The following PNKP variants were observed in gnomAD, a reference collection of about 807,000 sequenced individuals.
PNKP encodes bifunctional polynucleotide phosphatase/kinase.
A neutral mutation model predicts 66.2 loss-of-function variants in PNKP; 82 were observed. That is an observed-to-expected ratio of 1.24 (90% CI 1.04 to 1.49). PNKP has a LOEUF of 1.49. Ranked by LOEUF, PNKP falls within the 40% of genes most tolerant of loss-of-function variation. PNKP has a pLI of 0.00. For synonymous variants in PNKP, 412 were observed against 298.9 expected (o/e 1.38, Z -3.90); for missense variants, 907 against 706.8 (o/e 1.28, Z -3.21).
At position 49,862,038 on chromosome 19, in the gene PNKP, T is replaced by G; in HGVS notation, c.1188+6A>C. ...TAGATTTGGGGCGGCAAAAGCCTGG[T>G]CATACCCTGTTCACGTGGACATATC... On this transcript the variant is annotated splice_donor_region_variant and intron_variant, in intron 13 of 16. Transcript: ENST00000322344. The G allele has an allele frequency of 6.2e-7, 1 of 1,613,996 alleles. No individual in the cohort carries two copies.
At chr19:49,863,193 G>C (rs3739193) in intron 8 of PNKP, among the ~76,000 whole-genome samples, 2,615 of 152,288 alleles carry the variant, frequency 0.017, 73 homozygotes, top group South Asian at 0.13. Context: ...TCCCACAAGG[G>C]GGGGGACCGC....
In PNKP at chr19:49,867,049, C is replaced by A. The variant is rs763987244; in HGVS notation, c.151+5G>T. Reference sequence around the variant, plus strand: ...CACACCCCCTCCAGCTCAGGCCCCGCTCACCTTGAGTTCTGGAGCACTTCC... The same window carrying A: ...CACACCCCCTCCAGCTCAGGCCCCGATCACCTTGAGTTCTGGAGCACTTCC... On this transcript the variant is annotated splice_donor_5th_base_variant and intron_variant, in intron 2 of 16. Transcript: ENST00000322344. The A allele has an allele frequency of 6.2e-7, 1 of 1,613,880 alleles. No homozygotes were observed. The highest frequency in any genetic ancestry group is 1.1e-5 in the South Asian group (1 of 91,086).
chr19:49,867,044 C>T lies in PNKP; in HGVS notation c.151+10G>A, dbSNP rs752454809. 1 of 1,613,610 alleles carries T rather than the reference C, an allele frequency of 6.2e-7. No individual in the cohort carries two copies. On this transcript the variant is annotated intron_variant, in intron 2 of 16. Transcript: ENST00000322344. ...CAGGCCACACCCCCTCCAGCTCAGG[C>T]CCCGCTCACCTTGAGTTCTGGAGCA...
intron 8 of PNKP, 33 bp downstream of exon 8, chr19:49,863,656 A>C: frequency 2.0e-6 from 3 of 1,524,592 alleles, no homozygotes; most frequent in Non-Finnish European, 1.8e-6. Flanking sequence ...GAGTGAGGAA[A>C]AGGAGGGGGG....
chr19:49,863,663 G>A (rs1189163496), intron 8 of PNKP, 26 bp downstream of exon 8: 7 of 1,537,392 alleles, frequency 4.6e-6, no homozygotes, highest in African/African-American at 4.1e-5. Context: ...GAAAAGGAGG[G>A]GGGCCGGGCA....
intron 3 of PNKP, 120 bp downstream of exon 3, chr19:49,866,279 C>T: frequency 4.1e-6 from 4 of 965,966 alleles, no homozygotes; most frequent in Non-Finnish European, 5.1e-6. Context: ...GGATTACAGG[C>T]TTGAGCCACC....
chr19:49,864,885 G>T (rs760251660), intron 4 of PNKP, among the ~76,000 whole-genome samples: 1 of 152,174 alleles, frequency 6.6e-6, no homozygotes, highest in Non-Finnish European at 1.5e-5. Flanking sequence ...AATCCTCATC[G>T]TAATAGCTCC....
Position 49,865,172 on chromosome 19 carries a change from C to G in PNKP, c.453G>C (p.Glu151Asp). ...RKSNPGWENL[E>D]KLLVFTAAGV... is the part of the protein sequence containing the mutation. ...CAGCTGCGGTGAACACTAGCAACTT[C>G]TCCAAGTTCTCCCAGCCGGGGTTTG... Residue 151 changes from glutamate to aspartate, a missense_variant, in exon 4 of 17, where the codon GAG (glutamate) becomes GAC (aspartate). Glu to Asp is a conservative substitution (Grantham distance 45, BLOSUM62 2). Transcript: ENST00000322344. 6.2e-7 allele frequency: 1 copy of G among 1,614,248 alleles called. No individual in the cohort carries two copies. Among genetic ancestry groups the G allele is most frequent in the Non-Finnish European group, 8.5e-7 (1 of 1,180,034 alleles).
At chr19:49,865,059 G>A in intron 4 of PNKP, 68 bp downstream of exon 4, 2 of 1,361,916 alleles carry the variant, frequency 1.5e-6, no homozygotes, top group Admixed American at 1.7e-5. Context: ...AAAGTTGAGA[G>A]CACGCAACAA....
At chr19:49,863,452 C>A (rs989811826) in intron 8 of PNKP, among the ~76,000 whole-genome samples, 1 of 152,250 alleles carries the variant, frequency 6.6e-6, no homozygotes, top group Non-Finnish European at 1.5e-5. Flanking sequence ...AACTTCAGAA[C>A]AAATGCACAC....
At chr19:49,863,795 C>T (rs980980479) in intron 7 of PNKP, 35 bp from the exon 8 acceptor site, 1 of 1,532,292 alleles carries the variant, frequency 6.5e-7, no homozygotes, top group Non-Finnish European at 8.9e-7. Context: ...CTTTAGCTCC[C>T]CCTCAAGCAC....
rs557750182 is a variant in PNKP at position 49,861,699 on chromosome 19, T to C, written c.1299-4A>G. ...GGCTCGGGCACACTGGACGTACCTG[T>C]GGGGGAAGGAGCTGGATGTGCAGGC... On this transcript the variant is annotated splice_polypyrimidine_tract_variant and splice_region_variant and intron_variant, in intron 14 of 16. Transcript: ENST00000322344. 1 of 1,547,328 alleles carries C rather than the reference T, an allele frequency of 6.5e-7. No individual in the cohort carries two copies. The highest frequency in any genetic ancestry group is 1.4e-5 in the African/African-American group (1 of 72,974).
rs3739200 is a variant in PNKP at position 49,862,520 on chromosome 19, A to AG, written c.936+17dup. ...CCAGGGTCGGGCTCGGGCGCGGGGC[A>AG]GGGGGCAGGGGCCTCACCAGGCGAT... On this transcript the variant is annotated intron_variant, in intron 10 of 16. Transcript: ENST00000322344. The AG allele has an allele frequency of 0.012, 19,481 of 1,605,176 alleles. 169 individuals are homozygous for AG. Among genetic ancestry groups the AG allele is most frequent in the Middle Eastern group, 0.038 (229 of 6,044 alleles).
rs776349198 is a variant in PNKP at position 49,861,624 on chromosome 19, G to A, written c.1370C>T (p.Ala457Val). 10 of 1,555,290 alleles carry A rather than the reference G, an allele frequency of 6.4e-6. No homozygotes were observed. The highest frequency in any genetic ancestry group is 1.4e-5 in the African/African-American group (1 of 73,464). Residue 457 changes from alanine to valine, a missense_variant, in exon 15 of 17, where the codon GCG (alanine) becomes GTG (valine). By Grantham distance (64) the Ala-to-Val change is moderately conservative. Transcript: ENST00000322344. ...CFLFTATLEQ[A>V]RHNNRFREMT... ...CGGGCTCACCCGGTTGTTGTGGCGC[G>A]CCTGCTCCAGAGTGGCGGTGAAGAG...
Position 49,867,121 on chromosome 19 carries a change from C to A in PNKP, c.84G>T (p.Gly28=), listed in dbSNP as rs1426239908. 6 of 1,613,284 alleles carry A rather than the reference C, an allele frequency of 3.7e-6. No homozygotes were observed. In the South Asian group the frequency reaches 6.6e-5, roughly 18 times the overall value. The stretch of plus-strand genomic sequence containing the variant: ...GTCCCCTGCCCAGGACCAGGGCTTG[C>A]CCGTCCGAGGGCAGGAAGATGGGGG... The part of the protein sequence containing the change: ...GAPPIFLPSD[G]QALVLGRGPL... The change falls in exon 2 of 17, where the codon GGG becomes GGT. Residue 28 remains glycine, a synonymous_variant. Coordinates refer to ENST00000322344, the MANE Select transcript of PNKP (RefSeq NM_007254.4).
At chr19:49,865,612 TTTTTTTTTTTTTTC>T (rs925806409) in intron 3 of PNKP, 186 bp from the exon 4 acceptor site, 18 of 513,210 alleles carry the variant, frequency 3.5e-5, no homozygotes, top group Admixed American at 1.2e-4. Context: ...TTTTTTTTTT[TTTTTTTTTTTTTTC>T]CCCTGGAGAT....
intron 11 of PNKP, 28 bp from the exon 12 acceptor site, chr19:49,862,309 A>G: frequency 1.3e-6 from 2 of 1,549,082 alleles, no homozygotes; most frequent in South Asian, 2.4e-5. Context: ...CACGCGTGAG[A>G]TGCCGTCCCC....
chr19:49,867,505 C>T lies in PNKP; in HGVS notation c.-50G>A, dbSNP rs3739166. On this transcript the variant is annotated 5_prime_UTR_variant, in exon 1 of 17. Transcript: ENST00000322344. ...GCTTGGGCTCACGGCCACTTCCGAC[C>T]AGGGAGGTCCTGCCCGAGGTGCCCC... The T allele has an allele frequency of 2.2e-6, 1 of 449,274 alleles. No homozygotes were observed. Among genetic ancestry groups the T allele is most frequent in the South Asian group, 2.6e-5 (1 of 39,154 alleles). 27.8% of individuals were successfully genotyped at this position (449,274 alleles called of 1,614,324 possible).
intron 5 of PNKP, 36 bp from the exon 6 acceptor site, chr19:49,864,272 G>A: frequency 6.2e-7 from 1 of 1,612,800 alleles, no homozygotes; most frequent in Non-Finnish European, 8.5e-7. Context: ...GTGACCCGGG[G>A]CCAGAGGTGG....
Sources: gnomAD v4.1 joint callset for allele counts (sites outside exome capture counted in the v4.1 genomes callset) on GRCh38, gnomAD v4.1.1 for gene constraint, MANE v1.5 for transcripts, NCBI Gene and HGNC (gene_info 2026-07-23, HGNC 2026-07-21) for gene names.